Variants in CAB39 observed in about 807,000 individuals in gnomAD.
CAB39 encodes calcium binding protein 39.
A neutral mutation model predicts 40.0 loss-of-function variants in CAB39; 8 were observed. That is an observed-to-expected ratio of 0.20 (90% CI 0.12 to 0.36). CAB39 has a LOEUF of 0.36. CAB39 is among the 10% of genes least tolerant of loss of function. The pLI is 1.00. For synonymous variants in CAB39, 156 were observed against 141.6 expected (o/e 1.10, Z -0.72); for missense variants, 270 against 401.1 (o/e 0.67, Z 2.79).
intron 1 of CAB39, 96 bp from the exon 2 acceptor site, chr2:230,759,863 G>A: frequency 1.9e-6 from 1 of 517,074 alleles, no homozygotes; most frequent in Non-Finnish European, 3.6e-6. Context: ...AAAATGACTT[G>A]CCTAAACACG....
intron 2 of CAB39, among the ~76,000 whole-genome samples, chr2:230,783,386 A>G (rs1227650197): frequency 1.3e-5 from 2 of 151,816 alleles, no homozygotes; most frequent in African/African-American, 4.8e-5. Flanking sequence ...TTATTTTTTC[A>G]CATCTCAGGT....
chr2:230,744,162 A>G (rs1193117648), intron 1 of CAB39, among the ~76,000 whole-genome samples: 3 of 152,012 alleles, frequency 2.0e-5, no homozygotes, highest in African/African-American at 2.4e-5. Flanking sequence ...CAAGTGATCC[A>G]CCTGCCTTGG....
intron 1 of CAB39, among the ~76,000 whole-genome samples, chr2:230,757,434 T>C (rs889822696): frequency 6.6e-6 from 1 of 152,204 alleles, no homozygotes; most frequent in Non-Finnish European, 1.5e-5. Flanking sequence ...AGTTCATATG[T>C]TCTGTAAAAT....
Position 230,814,127 on chromosome 2 carries a change from AT to A in CAB39, c.693+17del. 1 of 1,330,478 alleles carries A rather than the reference AT, an allele frequency of 7.5e-7. No homozygotes were observed. The highest frequency in any genetic ancestry group is 1.1e-6 in the Non-Finnish European group (1 of 946,312). 82.4% of individuals were successfully genotyped at this position (1,330,478 alleles called of 1,614,324 possible). Reference sequence around the variant, plus strand: ...ACAGTCACTGAAGGTATGACAGACCATTTTGTATAGCTTATTTCTCTGTACC... The same window carrying A: ...ACAGTCACTGAAGGTATGACAGACCATTTGTATAGCTTATTTCTCTGTACC... On this transcript the variant is annotated intron_variant, in intron 7 of 8. Transcript: ENST00000258418.
rs1400933425 is a variant in CAB39 at position 230,776,549 on chromosome 2, T to C, written c.115-14323T>C. On this transcript the variant is annotated intron_variant, in intron 2 of 8. Transcript: ENST00000258418. Reference sequence around the variant, plus strand: ...ATGTTAAATAAATAGAATCATATAGTGTGTAAACTTTTGAGATGGGCTTTC... The same window carrying C: ...ATGTTAAATAAATAGAATCATATAGCGTGTAAACTTTTGAGATGGGCTTTC... Among the ~76,000 whole-genome samples the C allele has an allele frequency of 2.0e-5, 3 of 152,186 alleles. No individual in the cohort carries two copies. The East Asian group carries it at 5.8e-4, about 29-fold the overall frequency.
chr2:230,748,828 AAAAATATATATATATATATATATATAT>A (rs1484997029), intron 1 of CAB39, among the ~76,000 whole-genome samples: 3 of 62,776 alleles, frequency 4.8e-5, no homozygotes, highest in African/African-American at 9.1e-5. Flanking sequence ...AAAAAAAAAA[AAAAATATATATATATATATATATATAT>A]ATATATATAT....
intron 1 of CAB39, among the ~76,000 whole-genome samples, chr2:230,744,286 A>G: frequency 6.6e-6 from 1 of 151,712 alleles, no homozygotes; most frequent in East Asian, 1.9e-4. Flanking sequence ...ACTTCCAGCC[A>G]TATATACATA....
chr2:230,788,355 A>G (rs1311902602), intron 2 of CAB39, among the ~76,000 whole-genome samples: 2 of 151,962 alleles, frequency 1.3e-5, no homozygotes, highest in African/African-American at 2.4e-5. Context: ...GAACCTGACA[A>G]CATTATACCT....
chr2:230,808,033 G>A (rs1165317690), intron 5 of CAB39, among the ~76,000 whole-genome samples: 2 of 151,258 alleles, frequency 1.3e-5, no homozygotes, highest in Non-Finnish European at 2.9e-5. Flanking sequence ...GTCAGTGCCT[G>A]CTCTGTGCCA....
At chr2:230,765,804 A>G (rs1057158155) in intron 2 of CAB39, among the ~76,000 whole-genome samples, 42 of 152,206 alleles carry the variant, frequency 2.8e-4, no homozygotes, top group African/African-American at 8.0e-4. Context: ...GCTCCCCACA[A>G]CAAAGGGTTA....
At chr2:230,732,639 C>T (rs949220614) in intron 1 of CAB39, among the ~76,000 whole-genome samples, 6 of 152,048 alleles carry the variant, frequency 3.9e-5, no homozygotes, top group Non-Finnish European at 5.9e-5. Context: ...AGGGTAAAAT[C>T]GCTCAAAGAT....
chr2:230,799,773 C>T (rs994008250), intron 5 of CAB39, among the ~76,000 whole-genome samples: 2 of 152,066 alleles, frequency 1.3e-5, no homozygotes, highest in African/African-American at 4.8e-5. Context: ...GGCGGATGAC[C>T]TGAGGTCGGG....
chr2:230,747,509 A>C (rs1694996628), intron 1 of CAB39, among the ~76,000 whole-genome samples: 1 of 152,242 alleles, frequency 6.6e-6, no homozygotes, highest in Admixed American at 6.5e-5. Context: ...ACAGTTAAGT[A>C]AGAGAACTTT....
At chr2:230,754,841 G>T (rs997433138) in intron 1 of CAB39, among the ~76,000 whole-genome samples, 1 of 152,072 alleles carries the variant, frequency 6.6e-6, no homozygotes, top group African/African-American at 2.4e-5. Flanking sequence ...TCTATCGCTC[G>T]CCCGCTTCCC....
At chr2:230,772,702 G>A (rs1266008476) in intron 2 of CAB39, among the ~76,000 whole-genome samples, 2 of 151,936 alleles carry the variant, frequency 1.3e-5, no homozygotes, top group East Asian at 3.9e-4. Context: ...AGCCAGGATG[G>A]TGTCGATCTC....
At chr2:230,720,871 G>A (rs1034012045) in intron 1 of CAB39, among the ~76,000 whole-genome samples, 5 of 152,130 alleles carry the variant, frequency 3.3e-5, no homozygotes, top group African/African-American at 4.8e-5. Flanking sequence ...AACTCAGGCC[G>A]TTAACATGAC....
chr2:230,721,817 T>A (rs918185141), intron 1 of CAB39, among the ~76,000 whole-genome samples: 7 of 152,210 alleles, frequency 4.6e-5, no homozygotes, highest in Non-Finnish European at 8.8e-5. Flanking sequence ...TGAGAAATAC[T>A]GCACATTATA....
At chr2:230,782,813 C>CTTTTTTTTTTTTTTTTTTT (rs1212977897) in intron 2 of CAB39, among the ~76,000 whole-genome samples, 4 of 81,764 alleles carry the variant, frequency 4.9e-5, no homozygotes, top group African/African-American at 1.9e-4. Flanking sequence ...TTCTTTCTTT[C>CTTTTTTTTTTTTTTTTTTT]TTTTTTTTTT....
intron 1 of CAB39, among the ~76,000 whole-genome samples, chr2:230,758,256 T>C (rs1695227706): frequency 6.7e-6 from 1 of 149,608 alleles, no homozygotes; most frequent in Non-Finnish European, 1.5e-5. Flanking sequence ...TGAGCCAAGA[T>C]TGCGCTGCTG....
Sources: gnomAD v4.1 joint callset for allele counts (sites outside exome capture counted in the v4.1 genomes callset) on GRCh38, gnomAD v4.1.1 for gene constraint, MANE v1.5 for transcripts, NCBI Gene and HGNC (gene_info 2026-07-23, HGNC 2026-07-21) for gene names.